The following CAMTA1 variants were observed in gnomAD, a reference collection of about 807,000 sequenced individuals.
The protein encoded by CAMTA1 is calmodulin binding transcription activator 1.
A neutral mutation model predicts 170.9 loss-of-function variants in CAMTA1; 27 were observed. That is an observed-to-expected ratio of 0.16 (90% confidence interval 0.12 to 0.22). The LOEUF (loss-of-function observed/expected upper bound fraction) is 0.22, where lower values mean the gene tolerates loss of function less well. Among genes scored for constraint, CAMTA1 ranks in the 10% least tolerant of loss-of-function variants. The pLI is 1.00. For missense variants in CAMTA1, 1,619 were observed against 2,217.2 expected, an observed-to-expected ratio of 0.73 and a Z score of 5.42; for synonymous variants, 833 against 891.5, an observed-to-expected ratio of 0.93 and a Z score of 1.17.
intron 5 of CAMTA1, among the ~76,000 whole-genome samples, chr1:7,258,950 C>A (rs74051546): frequency 6.6e-6 from 1 of 152,094 alleles, no homozygotes; most frequent in Admixed American, 6.6e-5. Context: ...GCTTCCCACA[C>A]GCCGGGGCAA....
intron 1 of CAMTA1, among the ~76,000 whole-genome samples, chr1:6,817,567 C>T (rs188349124): frequency 3.3e-4 from 50 of 152,280 alleles, no homozygotes; most frequent in African/African-American, 1.1e-3. Flanking sequence ...ACATGAATTC[C>T]GAGCCTTGTC....
rs1264606407 is a variant in CAMTA1, at chr1:6,965,488, C to A, written c.235-125816C>A. Among the ~76,000 whole-genome samples the A allele has an allele frequency of 6.6e-6, 1 of 151,954 alleles. No homozygotes were observed. The highest frequency in any genetic ancestry group is 2.4e-5 in the African/African-American group (1 of 41,340). ...GGGGAAGGTAAATGTGGTTTATTAGCCCCCCTGGCTCAGAGGGGGCTGGGC... is the reference window on the plus strand; with the variant it reads ...GGGGAAGGTAAATGTGGTTTATTAGACCCCCTGGCTCAGAGGGGGCTGGGC... On this transcript the variant is annotated intron_variant, in intron 3 of 22. Coordinates refer to ENST00000303635, the MANE Select transcript of CAMTA1 (RefSeq NM_015215.4). This position sits in a 1 kb window ranked among gnomAD's most constrained non-coding sequence, Gnocchi z 4.1.
chr1:7,408,762 C>T (rs1039891887), intron 5 of CAMTA1, among the ~76,000 whole-genome samples: 4 of 152,160 alleles, frequency 2.6e-5, no homozygotes, highest in South Asian at 2.1e-4. Flanking sequence ...GCATCAGAGC[C>T]GAGAGGACAA....
chr1:7,384,925 C>T (rs1056416236), intron 5 of CAMTA1, among the ~76,000 whole-genome samples: 20 of 151,982 alleles, frequency 1.3e-4, no homozygotes, highest in African/African-American at 4.8e-4. Context: ...TTCAGCCAGG[C>T]GAGCGTGGGG....
intron 5 of CAMTA1, among the ~76,000 whole-genome samples, chr1:7,391,902 C>G (rs1210444739): frequency 6.6e-6 from 1 of 152,086 alleles, no homozygotes; most frequent in East Asian, 1.9e-4. Context: ...TTTGTTTAAC[C>G]ATTCACCTAT....
chr1:7,520,227 T>A (rs1575769250), intron 6 of CAMTA1, among the ~76,000 whole-genome samples: 1 of 10,556 alleles, frequency 9.5e-5, no homozygotes, highest in Non-Finnish European at 1.6e-4. Flanking sequence ...CTCCTCCTCC[T>A]CCCTCCTCCT....
At chr1:7,354,187 C>T (rs1210444968) in intron 5 of CAMTA1, among the ~76,000 whole-genome samples, 12 of 145,356 alleles carry the variant, frequency 8.3e-5, no homozygotes, top group African/African-American at 2.6e-4. Flanking sequence ...CTTGTTCTGT[C>T]GCCCAGGCTG....
rs558979768 is a variant in CAMTA1, at chr1:7,562,867, C to A, written c.511-77533C>A. On this transcript the variant is annotated intron_variant, in intron 6 of 22. Coordinates refer to ENST00000303635, the MANE Select transcript of CAMTA1 (RefSeq NM_015215.4). This position sits in a 1 kb window ranked among gnomAD's most constrained non-coding sequence, Gnocchi z 4.8. ...CACCGCCCACTCACCTGCAGCCTGT[C>A]AACAGCCAGCTCCGGGACTCTCCCA... Among the ~76,000 whole-genome samples the A allele has an allele frequency of 2.1e-3, 318 of 152,330 alleles. No homozygotes were observed. The highest frequency in any genetic ancestry group is 3.4e-3 in the Middle Eastern group (1 of 294).
At chr1:7,305,485 A>G (rs568105217) in intron 5 of CAMTA1, among the ~76,000 whole-genome samples, 106 of 152,084 alleles carry the variant, frequency 7.0e-4, no homozygotes, top group African/African-American at 2.5e-3. Flanking sequence ...CACCAACACC[A>G]TAGGTTTTGT....
chr1:7,037,605 C>G (rs945944830), intron 3 of CAMTA1, among the ~76,000 whole-genome samples: 1 of 151,406 alleles, frequency 6.6e-6, no homozygotes, highest in East Asian at 1.9e-4. Flanking sequence ...TTTGGAAGGC[C>G]GAGGCAGGCG....
intron 4 of CAMTA1, among the ~76,000 whole-genome samples, chr1:7,174,255 G>T (rs1429511179): frequency 6.6e-6 from 1 of 152,104 alleles, no homozygotes; most frequent in African/African-American, 2.4e-5. Context: ...AGCTGCAACC[G>T]CTATACATAG....
At chr1:6,886,372 A>G (rs1241262720) in intron 3 of CAMTA1, 1 of 436,156 alleles carries the variant, frequency 2.3e-6, no homozygotes, top group East Asian at 7.0e-5. Flanking sequence ...TTGCCTTGAA[A>G]TCTTCAATTT....
At chr1:6,968,945 C>G (rs574683186) in intron 3 of CAMTA1, among the ~76,000 whole-genome samples, 1 of 152,122 alleles carries the variant, frequency 6.6e-6, no homozygotes, top group South Asian at 2.1e-4. Context: ...TGCAGAGGCA[C>G]GGGGCGAGGG....
chr1:6,805,022 C>T (rs1644356064), intron 1 of CAMTA1, among the ~76,000 whole-genome samples: 1 of 152,170 alleles, frequency 6.6e-6, no homozygotes, highest in African/African-American at 2.4e-5. Context: ...CATATGTTTT[C>T]ATTTCTGTTG....
chr1:7,577,373 G>A (rs981094969), intron 6 of CAMTA1, among the ~76,000 whole-genome samples: 23 of 152,080 alleles, frequency 1.5e-4, no homozygotes, highest in Admixed American at 2.6e-4. Context: ...CAGCCCCTCA[G>A]GAGGGAAGCA....
chr1:6,848,174 G>A (rs1375545925), intron 3 of CAMTA1, among the ~76,000 whole-genome samples: 1 of 151,986 alleles, frequency 6.6e-6, no homozygotes, highest in African/African-American at 2.4e-5. Context: ...TTTTGTTGTT[G>A]TTTTCTTTGA....
At chr1:7,017,969 GT>G (rs148191422) in intron 3 of CAMTA1, among the ~76,000 whole-genome samples, 87,065 of 147,360 alleles carry the variant, frequency 0.59, 26,033 homozygotes, top group African/African-American at 0.71. Context: ...AAGGTTTTTT[GT>G]TTTTTTTTTT....
chr1:6,889,383 G>C lies in CAMTA1; in HGVS notation c.234+64173G>C, dbSNP rs116760178. On this transcript the variant is annotated intron_variant, in intron 3 of 22. Coordinates refer to ENST00000303635, the MANE Select transcript of CAMTA1 (RefSeq NM_015215.4). ...TTTCATGGCAAATAAATCATAAGCA[G>C]AGGATACAGATGTAAAGAAAAATTC... is the stretch of plus-strand genomic sequence containing the variant. Among the ~76,000 whole-genome samples the C allele has an allele frequency of 4.9e-3, 749 of 152,334 alleles. 5 individuals carry two copies. The highest frequency in any genetic ancestry group is 0.017 in the African/African-American group (695 of 41,562).
intron 1 of CAMTA1, among the ~76,000 whole-genome samples, chr1:6,792,839 C>T (rs1307986750): frequency 2.0e-5 from 3 of 152,076 alleles, no homozygotes; most frequent in Non-Finnish European, 4.4e-5. Flanking sequence ...GGAAGATATG[C>T]TTGTTTGGGG....
Sources: gnomAD v4.1 joint callset for allele counts (sites outside exome capture counted in the v4.1 genomes callset) on GRCh38, gnomAD v4.1.1 for gene constraint, Gnocchi (gnomAD v3.1) non-coding constraint, MANE v1.5 for transcripts, NCBI Gene and HGNC (gene_info 2026-07-23, HGNC 2026-07-21) for gene names.